CWC27: variants seen among roughly 807,000 people sequenced by gnomAD.
CWC27 encodes CWC27 spliceosome associated cyclophilin.
A neutral mutation model predicts 63.6 loss-of-function variants in CWC27; 47 were observed. The ratio of observed to expected loss-of-function variants is 0.74; its 90% CI spans 0.58 to 0.94. The LOEUF (loss-of-function observed/expected upper bound fraction) is 0.94. Ranked by LOEUF, CWC27 falls within the 40% of genes least tolerant of loss-of-function variation. The pLI, the probability that CWC27 is intolerant of heterozygous loss-of-function variation, is 0.00. For synonymous variants in CWC27, 175 were observed against 179.8 expected (o/e 0.97, Z 0.22); for missense variants, 495 against 554.3 (o/e 0.89, Z 1.07).
intron 11 of CWC27, among the ~76,000 whole-genome samples, chr5:64,908,361 G>A (rs1747707470): frequency 6.6e-6 from 1 of 152,218 alleles, no homozygotes; most frequent in African/African-American, 2.4e-5. Flanking sequence ...TGTATATTCT[G>A]TTGAATTGGG....
intron 11 of CWC27, among the ~76,000 whole-genome samples, chr5:64,948,876 T>C (rs899333474): frequency 3.3e-5 from 5 of 151,970 alleles, no homozygotes; most frequent in Admixed American, 6.6e-5. Flanking sequence ...AGAATATTCA[T>C]GCTTCATCTC....
At chr5:64,927,275 T>C (rs1363142230) in intron 11 of CWC27, among the ~76,000 whole-genome samples, 1 of 152,212 alleles carries the variant, frequency 6.6e-6, no homozygotes, top group African/African-American at 2.4e-5. Context: ...TAAGTATACA[T>C]TACATTACTA....
intron 10 of CWC27, 137 bp from the exon 11 acceptor site, chr5:64,885,306 A>G: frequency 3.5e-6 from 2 of 573,372 alleles, no homozygotes; most frequent in Non-Finnish European, 6.1e-6. Flanking sequence ...ACAAGTATAC[A>G]TACACAGAAA....
intron 13 of CWC27, among the ~76,000 whole-genome samples, chr5:65,014,780 CATA>C (rs570638372): frequency 1.3e-4 from 20 of 152,260 alleles, no homozygotes; most frequent in South Asian, 6.2e-4. Flanking sequence ...TGCTGAAAAT[CATA>C]ATAACTGTTT....
chr5:64,969,789 A>G (rs971356141), intron 11 of CWC27, among the ~76,000 whole-genome samples: 1 of 152,202 alleles, frequency 6.6e-6, no homozygotes, highest in African/African-American at 2.4e-5. Flanking sequence ...AGCTCAAAGG[A>G]GAGACATCTA....
At chr5:64,831,197 G>A (rs1370136647) in intron 10 of CWC27, among the ~76,000 whole-genome samples, 1 of 151,880 alleles carries the variant, frequency 6.6e-6, no homozygotes, top group East Asian at 1.9e-4. Flanking sequence ...TAGTGAAAAT[G>A]CCATTTTTCA....
intron 10 of CWC27, among the ~76,000 whole-genome samples, chr5:64,827,693 A>G (rs1745399947): frequency 6.6e-6 from 1 of 152,184 alleles, no homozygotes; most frequent in Admixed American, 6.6e-5. Context: ...AAATTATATT[A>G]TATCATATTC....
chr5:64,992,350 T>C (rs1302293697), intron 13 of CWC27, among the ~76,000 whole-genome samples: 1 of 152,204 alleles, frequency 6.6e-6, no homozygotes, highest in Non-Finnish European at 1.5e-5. Context: ...AGTGAGCCTA[T>C]GCTGTTTCCA....
chr5:64,892,478 G>A (rs550378857), intron 11 of CWC27, among the ~76,000 whole-genome samples: 15 of 152,158 alleles, frequency 9.9e-5, no homozygotes, highest in East Asian at 3.8e-4. Flanking sequence ...ATAATACTTC[G>A]CCAAAGATAA....
chr5:64,933,847 T>A (rs1454226062), intron 11 of CWC27, among the ~76,000 whole-genome samples: 1 of 152,188 alleles, frequency 6.6e-6, no homozygotes, highest in Non-Finnish European at 1.5e-5. Context: ...TACCAGGTCT[T>A]TACCCTAAAT....
At chr5:65,003,233 A>G (rs1309537) in intron 13 of CWC27, among the ~76,000 whole-genome samples, 4 of 152,304 alleles carry the variant, frequency 2.6e-5, no homozygotes, top group South Asian at 2.1e-4. Context: ...TTTTAAATCT[A>G]TTCAGTCTGG....
chr5:64,897,139 G>A (rs1198830306), intron 11 of CWC27, among the ~76,000 whole-genome samples: 1 of 152,142 alleles, frequency 6.6e-6, no homozygotes, highest in African/African-American at 2.4e-5. Flanking sequence ...AACCCGGGAG[G>A]CAGAGGTTGC....
intron 10 of CWC27, among the ~76,000 whole-genome samples, chr5:64,863,863 A>T (rs1746475356): frequency 6.6e-6 from 1 of 152,200 alleles, no homozygotes. Flanking sequence ...ATGAATATAT[A>T]GTTTCCCATC....
At chr5:64,788,668 T>G (rs9291823) in intron 6 of CWC27, among the ~76,000 whole-genome samples, 85,833 of 151,330 alleles carry the variant, frequency 0.57, 24,897 homozygotes, top group East Asian at 0.86. Flanking sequence ...TGTCATGCTT[T>G]ACTCAGTAAA....
chr5:64,888,143 G>C lies in CWC27; in HGVS notation c.1042+2597G>C, dbSNP rs1186137172. ...CAAGATCAGCCGGAAGTATCTTGTG[G>C]TACCAGAAAGTAAGAAAGTGCTCAA... On this transcript the variant is annotated intron_variant, in intron 11 of 13. Transcript: ENST00000381070. Among the ~76,000 whole-genome samples, 4 of 151,764 alleles carry C rather than the reference G, an allele frequency of 2.6e-5. No individual in the cohort carries two copies. In the East Asian group the frequency reaches 7.7e-4, roughly 29 times the overall value.
chr5:64,938,379 G>A (rs1051888381), intron 11 of CWC27, among the ~76,000 whole-genome samples: 7 of 152,094 alleles, frequency 4.6e-5, no homozygotes, highest in Non-Finnish European at 7.3e-5. Flanking sequence ...AGTTTGGCTG[G>A]ATATGAAATT....
At chr5:64,794,062 A>C (rs1744172089) in intron 7 of CWC27, among the ~76,000 whole-genome samples, 2 of 152,222 alleles carry the variant, frequency 1.3e-5, no homozygotes, top group South Asian at 4.1e-4. Context: ...TTTATAGCTC[A>C]AAGGGATTTT....
chr5:64,936,411 C>T (rs548451659), intron 11 of CWC27, among the ~76,000 whole-genome samples: 22 of 152,130 alleles, frequency 1.4e-4, no homozygotes, highest in East Asian at 3.9e-4. Context: ...TTTATTGATT[C>T]GCCTATGTTG....
intron 13 of CWC27, among the ~76,000 whole-genome samples, chr5:65,017,185 G>A (rs918926085): frequency 6.6e-6 from 1 of 152,050 alleles, no homozygotes; most frequent in Non-Finnish European, 1.5e-5. Context: ...GCCAGGCGTG[G>A]TGGCAAATCT....
Sources: allele counts gnomAD v4.1 joint callset (sites outside exome capture counted in the v4.1 genomes callset), GRCh38; gene constraint gnomAD v4.1.1; transcripts MANE v1.5; gene names NCBI Gene and HGNC (gene_info 2026-07-23, HGNC 2026-07-21).